Variants in RAD54B observed in about 807,000 individuals in gnomAD.
The protein encoded by RAD54B is RAD54 homolog B.
In RAD54B, 78 loss-of-function variants were observed where a neutral mutation model predicts 95.8. The observed-to-expected ratio is 0.81, with a 90% CI of 0.68 to 0.98. The LOEUF (loss-of-function observed/expected upper bound fraction) is 0.98, where lower values mean the gene tolerates loss of function less well. Among genes scored for constraint, RAD54B ranks in the 50% least tolerant of loss-of-function variants. The pLI, the probability that RAD54B is intolerant of heterozygous loss-of-function variation, is 0.00. For synonymous variants in RAD54B, 328 were observed against 354.9 expected, an observed-to-expected ratio of 0.92 and a Z score of 0.85; for missense variants, 957 against 1,056.6, an observed-to-expected ratio of 0.91 and a Z score of 1.31.
At chr8:94,443,531 A>C (rs1457822538) in intron 3 of RAD54B, among the ~76,000 whole-genome samples, 1 of 152,120 alleles carries the variant, frequency 6.6e-6, no homozygotes, top group Admixed American at 6.5e-5. Flanking sequence ...TTATCAAAAA[A>C]AAAAAAATCA....
chr8:94,404,834 G>A (rs982675496), intron 5 of RAD54B, among the ~76,000 whole-genome samples: 1 of 151,878 alleles, frequency 6.6e-6, no homozygotes, highest in East Asian at 1.9e-4. Context: ...TTTTTCTGGG[G>A]ACAGAGTATC....
At chr8:94,459,181 C>T (rs151194907) in intron 2 of RAD54B, among the ~76,000 whole-genome samples, 39 of 152,072 alleles carry the variant, frequency 2.6e-4, no homozygotes, top group East Asian at 1.9e-3. Flanking sequence ...GATGGGGTCT[C>T]GGTCTGGTAC....
At chr8:94,458,597 T>A (rs1273555973) in intron 2 of RAD54B, among the ~76,000 whole-genome samples, 161 bp from the exon 3 acceptor site, 1 of 152,250 alleles carries the variant, frequency 6.6e-6, no homozygotes, top group Admixed American at 6.5e-5. Flanking sequence ...CTGGGCATGG[T>A]GGCTCATGCC....
intron 3 of RAD54B, among the ~76,000 whole-genome samples, chr8:94,441,500 T>G (rs868373040): frequency 6.6e-6 from 1 of 152,184 alleles, no homozygotes; most frequent in Non-Finnish European, 1.5e-5. Flanking sequence ...AAGAGATGCA[T>G]AGGGCAAGTT....
chr8:94,447,329 G>T (rs1193036258), intron 3 of RAD54B, among the ~76,000 whole-genome samples: 2 of 152,142 alleles, frequency 1.3e-5, no homozygotes, highest in South Asian at 4.1e-4. Context: ...AAAATATGTT[G>T]AGCTAAAGGA....
chr8:94,404,217 T>C lies in RAD54B; in HGVS notation c.804A>G (p.Pro268=). The C allele has an allele frequency of 6.3e-7, 1 of 1,598,226 alleles. No homozygotes were observed. The change falls in exon 6 of 15, where the codon CCA becomes CCG. Residue 268 remains proline, a synonymous_variant. Transcript: ENST00000336148. ...TGAATACCCACTGGTGATTCTTATC[T>C]GGTCGTGGCATAACGAGGGAATCTT... ...YTPNSLVMPR[P]DKNHQWVFNK...
In RAD54B at chr8:94,404,131, C is replaced by T. The variant is rs1032740646; in HGVS notation, c.890G>A (p.Arg297Gln). 9.3e-6 allele frequency: 15 copies of T among 1,610,568 alleles called. No homozygotes were observed. Among genetic ancestry groups the T allele is most frequent in the Admixed American group, 3.3e-5 (2 of 59,782 alleles). ...VIDPYLVYHLRPHQKEGIIFL... is the reference protein window; with the variant it reads ...VIDPYLVYHLQPHQKEGIIFL... ...TATGATTCCTTCTTTCTGATGTGGTCGAAGATGATATACAAGGTAAGGATC... is the reference window on the plus strand; with the variant it reads ...TATGATTCCTTCTTTCTGATGTGGTTGAAGATGATATACAAGGTAAGGATC... Residue 297 changes from arginine (R) to glutamine (Q), a missense_variant, in exon 6 of 15, where the codon CGA becomes CAA. Physicochemically the swap from Arg to Gln is conservative, Grantham distance 43. Transcript: ENST00000336148.
chr8:94,416,294 C>T (rs1289921130), intron 3 of RAD54B, among the ~76,000 whole-genome samples: 3 of 151,716 alleles, frequency 2.0e-5, no homozygotes, highest in Admixed American at 2.0e-4. Flanking sequence ...CATGTTCTCA[C>T]TCATAGATGG....
Position 94,399,481 on chromosome 8 carries a change from C to G in RAD54B, c.1311G>C (p.Lys437Asn). ...LLICDEGHRL[K>N]NSAIKTTTAL... ...CTGTAGTTGTCTTAATGGCACTGTT[C>G]TTCAAACGATGCCCCTCGTCACAGA... is the stretch of plus-strand genomic sequence containing the variant. The change falls in exon 8 of 15, where the codon AAG (lysine) becomes AAC (asparagine). Residue 437 changes from lysine to asparagine, a missense_variant. By Grantham distance (94) the Lys-to-Asn change is moderately conservative. Transcript: ENST00000336148. 1.2e-6 allele frequency: 2 copies of G among 1,613,632 alleles called. No individual in the cohort carries two copies. Among genetic ancestry groups the G allele is most frequent in the Non-Finnish European group, 1.7e-6 (2 of 1,179,712 alleles).
chr8:94,436,438 A>C lies in RAD54B; in HGVS notation c.304+21830T>G, dbSNP rs1490585621. The C allele has an allele frequency of 1.6e-5, 23 of 1,468,540 alleles. No individual in the cohort carries two copies. In the Admixed American group the frequency reaches 6.0e-4, roughly 38 times the overall value. 91.0% of individuals were successfully genotyped at this position (1,468,540 alleles called of 1,614,324 possible). Reference sequence around the variant, plus strand: ...GCATATCTCTATCACGACTAAGCCAAAGCCCAATAGATAGGAGGCGCCATA... The same window carrying C: ...GCATATCTCTATCACGACTAAGCCACAGCCCAATAGATAGGAGGCGCCATA... On this transcript the variant is annotated intron_variant, in intron 3 of 14. Coordinates refer to ENST00000336148, the MANE Select transcript of RAD54B (RefSeq NM_012415.3).
intron 10 of RAD54B, among the ~76,000 whole-genome samples, chr8:94,391,328 G>A (rs982004256): frequency 1.3e-5 from 2 of 151,100 alleles, no homozygotes; most frequent in African/African-American, 4.9e-5. Flanking sequence ...GGAGACGATC[G>A]CCAAGTATTA....
At position 94,435,094 on chromosome 8, in the gene RAD54B, C is replaced by CA. The variant is rs1311414737; in HGVS notation, c.304+23173dup. Among the ~76,000 whole-genome samples, 9 of 151,862 alleles carry CA rather than the reference C, an allele frequency of 5.9e-5. No individual in the cohort carries two copies. In the East Asian group the frequency reaches 1.5e-3, roughly 26 times the overall value. On this transcript the variant is annotated intron_variant, in intron 3 of 14. Transcript: ENST00000336148. ...AGGGTACAGTTTTATACCTGCGATGCAAAAAACACTTTTCTCCATGGTTCA... is the reference window on the plus strand; with the variant it reads ...AGGGTACAGTTTTATACCTGCGATGCAAAAAAACACTTTTCTCCATGGTTCA...
chr8:94,411,331 AAAC>A lies in RAD54B; in HGVS notation c.305-19_305-17del, dbSNP rs1811525159. 1 of 1,543,666 alleles carries A rather than the reference AAAC, an allele frequency of 6.5e-7. No individual in the cohort carries two copies. The highest frequency in any genetic ancestry group is 2.3e-5 in the East Asian group (1 of 43,258). On this transcript the variant is annotated splice_polypyrimidine_tract_variant and intron_variant, in intron 3 of 14. Transcript: ENST00000336148. ...GCCGAATGAACTACAATTAAAAAAAAAACACACATTATTAAAAATGACTTTAAT... is the reference window on the plus strand; with the variant it reads ...GCCGAATGAACTACAATTAAAAAAAAACACATTATTAAAAATGACTTTAAT...
In RAD54B at chr8:94,372,158, A is replaced by G; in HGVS notation, c.*12T>C. ...AAAAGAAGAGCAATGGAATGTCAGA[A>G]GTAATCTTTCACTATGTGCCAGTAG... On this transcript the variant is annotated 3_prime_UTR_variant, in exon 15 of 15. Coordinates refer to ENST00000336148, the MANE Select transcript of RAD54B (RefSeq NM_012415.3). 1.3e-6 allele frequency: 2 copies of G among 1,585,958 alleles called. No homozygotes were observed. Among genetic ancestry groups the G allele is most frequent in the Non-Finnish European group, 1.7e-6 (2 of 1,172,124 alleles).
intron 3 of RAD54B, chr8:94,428,129 GAT>G: frequency 1.1e-6 from 1 of 898,302 alleles, no homozygotes; most frequent in Non-Finnish European, 1.3e-6. Context: ...ATAAGAGAAA[GAT>G]AGGAAAGTGG....
intron 10 of RAD54B, 54 bp downstream of exon 10, chr8:94,391,555 A>G: frequency 3.3e-6 from 5 of 1,536,666 alleles, no homozygotes; most frequent in Non-Finnish European, 4.4e-6. Context: ...TCTTAGATTC[A>G]TATACTATAG....
At chr8:94,431,190 C>T (rs1020817666) in intron 3 of RAD54B, 2 of 923,358 alleles carry the variant, frequency 2.2e-6, no homozygotes, top group African/African-American at 1.8e-5. Flanking sequence ...AATAACAATA[C>T]TTATAAAATA....
chr8:94,442,591 A>G (rs1318765557), intron 3 of RAD54B, among the ~76,000 whole-genome samples: 2 of 151,538 alleles, frequency 1.3e-5, no homozygotes, highest in Non-Finnish European at 2.9e-5. Flanking sequence ...AAAAAAAAAA[A>G]AAAAAGTACA....
At chr8:94,399,236 C>T (rs1401402759) in intron 8 of RAD54B, among the ~76,000 whole-genome samples, 178 bp downstream of exon 8, 1 of 152,114 alleles carries the variant, frequency 6.6e-6, no homozygotes, top group Non-Finnish European at 1.5e-5. Context: ...GTCTGGGCTA[C>T]AGAAAATTAC....
Sources: gnomAD v4.1 joint callset for allele counts (sites outside exome capture counted in the v4.1 genomes callset) on GRCh38, gnomAD v4.1.1 for gene constraint, MANE v1.5 for transcripts, NCBI Gene and HGNC (gene_info 2026-07-23, HGNC 2026-07-21) for gene names.